Variants in NFATC1 observed in about 807,000 individuals in gnomAD.
NFATC1 encodes the protein nuclear factor of activated T-cells, cytoplasmic 1.
Under a neutral mutation model 76.0 loss-of-function variants are expected in NFATC1, and 22 were observed. The observed-to-expected ratio is 0.29, with a 90% CI of 0.21 to 0.41. The LOEUF is 0.41. Among genes scored for constraint, NFATC1 ranks in the 10% least tolerant of loss-of-function variants. The pLI, the probability that NFATC1 is intolerant of heterozygous loss-of-function variation, is 1.00. For synonymous variants in NFATC1, 704 were observed against 613.1 expected (o/e 1.15, Z -2.19); for missense variants, 1,357 against 1,337.7 (o/e 1.01, Z -0.23).
chr18:79,435,392 G>A (rs1400783879), intron 3 of NFATC1, among the ~76,000 whole-genome samples: 1 of 148,830 alleles, frequency 6.7e-6, no homozygotes, highest in Non-Finnish European at 1.5e-5. Flanking sequence ...GCTCTCACCC[G>A]GGCTGGAGTG....
intron 9 of NFATC1, among the ~76,000 whole-genome samples, chr18:79,513,277 A>G (rs1361190430): frequency 6.6e-6 from 1 of 152,144 alleles, no homozygotes; most frequent in Non-Finnish European, 1.5e-5. Context: ...CTGCAGGGAG[A>G]TGACCTGCTT....
intron 8 of NFATC1, among the ~76,000 whole-genome samples, chr18:79,476,729 A>G (rs2089088175): frequency 6.6e-6 from 1 of 152,176 alleles, no homozygotes; most frequent in African/African-American, 2.4e-5. Flanking sequence ...GCAAAGTGAG[A>G]TCATGAACAA....
chr18:79,422,228 C>CCA (rs2086118266), intron 2 of NFATC1: 1 of 152,250 alleles, frequency 6.6e-6, no homozygotes, highest in African/African-American at 2.4e-5. Context: ...GATCTGTGCC[C>CCA]CACCCCACAT....
At chr18:79,507,819 A>T (rs1368577264) in intron 9 of NFATC1, among the ~76,000 whole-genome samples, 1 of 152,242 alleles carries the variant, frequency 6.6e-6, no homozygotes, top group African/African-American at 2.4e-5. Flanking sequence ...TTACGTGAGA[A>T]GTTAGGTTTT....
At position 79,410,580 on chromosome 18, in the gene NFATC1, T is replaced by C; in HGVS notation, c.305T>C (p.Leu102Pro). Residue 102 changes from leucine to proline, a missense_variant, in exon 2 of 10, where the codon CTC becomes CCC. By Grantham distance (98) the Leu-to-Pro change is moderately conservative. Coordinates refer to ENST00000427363, the MANE Select transcript of NFATC1 (RefSeq NM_001278669.2). This position sits in a 1 kb window ranked among gnomAD's most constrained non-coding sequence, Gnocchi z 6.7. The part of the protein sequence containing the change: ...ALDGGPAGYF[L>P]SSGHTRPDGA... ...GACGGTGGGCCCGCGGGCTACTTCCTCTCCTCCGGCCACACCAGGCCTGAT... is the reference window on the plus strand; with the variant it reads ...GACGGTGGGCCCGCGGGCTACTTCCCCTCCTCCGGCCACACCAGGCCTGAT... 6.2e-7 allele frequency: 1 copy of C among 1,611,812 alleles called. No homozygotes were observed. Among genetic ancestry groups the C allele is most frequent in the Non-Finnish European group, 8.5e-7 (1 of 1,179,888 alleles).
chr18:79,438,370 C>T (rs78531995), intron 3 of NFATC1, among the ~76,000 whole-genome samples: 15,848 of 152,226 alleles, frequency 0.1, 1,104 homozygotes, highest in Non-Finnish European at 0.15. Flanking sequence ...CTTTGCAGCA[C>T]GTCCCCGGCC....
At chr18:79,482,778 C>T (rs1344438269) in intron 8 of NFATC1, among the ~76,000 whole-genome samples, 2 of 132,490 alleles carry the variant, frequency 1.5e-5, no homozygotes, top group South Asian at 2.5e-4. Context: ...GGTGTAATTC[C>T]AGCGTGACCT....
intron 9 of NFATC1, among the ~76,000 whole-genome samples, chr18:79,489,991 C>T (rs2089629862): frequency 1.3e-5 from 2 of 152,216 alleles, no homozygotes; most frequent in Admixed American, 6.5e-5. Context: ...TGGTGATGTC[C>T]GTTTCATCTC....
intron 1 of NFATC1, chr18:79,400,223 A>G: frequency 8.6e-7 from 1 of 1,166,564 alleles, no homozygotes; most frequent in Non-Finnish European, 1.0e-6. Flanking sequence ...GGCGGCCGCG[A>G]GCCGGTTGTT....
intron 2 of NFATC1, among the ~76,000 whole-genome samples, chr18:79,427,644 GAGGCTGGACGGCTGGCCTCTGT>G (rs2086416132): frequency 7.8e-6 from 1 of 127,860 alleles, no homozygotes; most frequent in Non-Finnish European, 1.6e-5. Context: ...CTGTGCGGTG[GAGGCTGGACGGCTGGCCTCTGT>G]GTGGTGTGGG....
intron 9 of NFATC1, among the ~76,000 whole-genome samples, chr18:79,507,018 G>A (rs554952545): frequency 4.3e-4 from 66 of 152,316 alleles, no homozygotes; most frequent in Admixed American, 2.2e-3. Context: ...TGGACCCAGC[G>A]GCCGGGCCAG....
At chr18:79,445,773 G>C (rs533423757) in intron 3 of NFATC1, among the ~76,000 whole-genome samples, 2 of 152,216 alleles carry the variant, frequency 1.3e-5, no homozygotes, top group South Asian at 4.1e-4. Flanking sequence ...CCTTGGCTCC[G>C]TTTCTGTGCA....
At chr18:79,469,646 C>A in intron 8 of NFATC1, 1 of 985,928 alleles carries the variant, frequency 1.0e-6, no homozygotes. Flanking sequence ...ACCCTCCACC[C>A]CCCATCTGCT....
At chr18:79,512,423 C>T (rs1366256325) in intron 9 of NFATC1, among the ~76,000 whole-genome samples, 1 of 152,306 alleles carries the variant, frequency 6.6e-6, no homozygotes, top group East Asian at 1.9e-4. Context: ...ACACCCCGAA[C>T]TTTTGCTTTG....
At chr18:79,409,311 C>A (rs2085565142) in intron 1 of NFATC1, among the ~76,000 whole-genome samples, 1 of 146,214 alleles carries the variant, frequency 6.8e-6, no homozygotes, top group South Asian at 2.3e-4. Flanking sequence ...CCATCCATTC[C>A]TCCATTCCCT....
intron 8 of NFATC1, chr18:79,469,954 T>C: frequency 2.0e-6 from 2 of 985,498 alleles, no homozygotes; most frequent in African/African-American, 1.7e-5. Flanking sequence ...GTGTTGACGC[T>C]GGGCCTACCT....
rs1157069267 is a variant in NFATC1, at chr18:79,410,834, T to G, written c.559T>G (p.Ser187Ala). 5 of 1,611,246 alleles carry G rather than the reference T, an allele frequency of 3.1e-6. No individual in the cohort carries two copies. Among genetic ancestry groups the G allele is most frequent in the South Asian group, 1.1e-5 (1 of 90,914 alleles). ...CTCCCGGAGCTGCAACTCAGAGGCC[T>G]CCTCCTACGAGTCCAACTACTCGTA... is the stretch of plus-strand genomic sequence containing the variant. ...LSSRSCNSEASSYESNYSYPY... is the reference protein window; with the variant it reads ...LSSRSCNSEAASYESNYSYPY... Residue 187 changes from serine to alanine, a missense_variant, in exon 2 of 10, where the codon TCC becomes GCC. Transcript: ENST00000427363. The surrounding 1 kb of genome is among the most constrained non-coding windows in gnomAD (Gnocchi z 6.7).
chr18:79,435,391 CG>C (rs2086739353), intron 3 of NFATC1, among the ~76,000 whole-genome samples: 1 of 151,448 alleles, frequency 6.6e-6, no homozygotes, highest in Non-Finnish European at 1.5e-5. Context: ...CGCTCTCACC[CG>C]GGCTGGAGTG....
chr18:79,402,841 A>G (rs1404381258), intron 1 of NFATC1, among the ~76,000 whole-genome samples: 1 of 152,246 alleles, frequency 6.6e-6, no homozygotes, highest in Non-Finnish European at 1.5e-5. Flanking sequence ...TTGTTAAATG[A>G]TTACATTGAC....
Sources: gnomAD v4.1 joint callset for allele counts (sites outside exome capture counted in the v4.1 genomes callset) on GRCh38, gnomAD v4.1.1 for gene constraint, Gnocchi (gnomAD v3.1) non-coding constraint, MANE v1.5 for transcripts, NCBI Gene and HGNC (gene_info 2026-07-23, HGNC 2026-07-21) for gene names.